CNOT9: variants seen among roughly 807,000 people sequenced by gnomAD.
CNOT9 encodes the protein CCR4-NOT transcription complex subunit 9, also known as RCD1 required for cell differentiation1 homolog.
A neutral mutation model predicts 37.4 loss-of-function variants in CNOT9; 8 were observed. The ratio of observed to expected loss-of-function variants is 0.21; its 90% confidence interval spans 0.13 to 0.39. The LOEUF (loss-of-function observed/expected upper bound fraction) is 0.39, where lower values mean the gene tolerates loss of function less well. CNOT9 is among the 10% of genes least tolerant of loss of function. CNOT9 has a pLI of 1.00. For synonymous variants in CNOT9, 120 were observed against 137.6 expected, an observed-to-expected ratio of 0.87 and a Z score of 0.90; for missense variants, 154 against 365.3, an observed-to-expected ratio of 0.42 and a Z score of 4.71.
intron 1 of CNOT9, among the ~76,000 whole-genome samples, chr2:218,579,705 T>G (rs957761368): frequency 6.6e-6 from 1 of 152,136 alleles, no homozygotes; most frequent in Admixed American, 6.5e-5. Context: ...GCCAGGATGG[T>G]CTCAATCTCC....
intron 1 of CNOT9, among the ~76,000 whole-genome samples, chr2:218,571,056 A>T (rs990836677): frequency 2.0e-5 from 3 of 152,222 alleles, no homozygotes; most frequent in African/African-American, 7.2e-5. Flanking sequence ...TGATGTGGGT[A>T]AAGGGACAGT....
chr2:218,578,863 G>C (rs1197842589), intron 1 of CNOT9, among the ~76,000 whole-genome samples: 1 of 152,102 alleles, frequency 6.6e-6, no homozygotes, highest in African/African-American at 2.4e-5. Flanking sequence ...TGACTATAGA[G>C]AATTATAAAA....
intron 3 of CNOT9, among the ~76,000 whole-genome samples, 174 bp downstream of exon 3, chr2:218,583,260 TC>T (rs1694477391): frequency 7.4e-6 from 1 of 134,974 alleles, no homozygotes; most frequent in Admixed American, 7.2e-5. Flanking sequence ...TCTCTCTCTC[TC>T]TCTCTCTCTC....
rs1313191918 is a variant in CNOT9, at chr2:218,595,960, C to G, written c.*1684C>G. On this transcript the variant is annotated 3_prime_UTR_variant, in exon 8 of 8. Coordinates refer to ENST00000273064, the MANE Select transcript of CNOT9 (RefSeq NM_005444.3). ...TGAAGAGGAGAAGCAGGCCAACCCT[C>G]AATAATTGCAAGCCTGAAGAGAAGT... The G allele has an allele frequency of 3.3e-5, 5 of 152,208 alleles. No individual in the cohort carries two copies. The highest frequency in any genetic ancestry group is 1.2e-4 in the African/African-American group (5 of 41,432). The allele number at this position is 152,208 out of a possible 1,614,324, so 9.4% of individuals were successfully genotyped here. A position where few individuals can be genotyped will look rare whatever the true frequency, so the allele number is the denominator to read the frequency against.
At position 218,594,323 on chromosome 2, in the gene CNOT9, G is replaced by A. The variant is rs769191877; in HGVS notation, c.*47G>A. The A allele has an allele frequency of 3.9e-6, 6 of 1,552,194 alleles. No individual in the cohort carries two copies. The highest frequency in any genetic ancestry group is 4.4e-6 in the Non-Finnish European group (5 of 1,145,096). Reference sequence around the variant, plus strand: ...TACTCCCCCAAGTTGGGGAAAGGAGGGGGAACCTACGAGAAAAACAGCTCA... The same window carrying A: ...TACTCCCCCAAGTTGGGGAAAGGAGAGGGAACCTACGAGAAAAACAGCTCA... On this transcript the variant is annotated 3_prime_UTR_variant, in exon 8 of 8. Transcript: ENST00000273064.
At chr2:218,588,092 A>G (rs1007851006) in intron 5 of CNOT9, among the ~76,000 whole-genome samples, 3 of 152,112 alleles carry the variant, frequency 2.0e-5, no homozygotes, top group African/African-American at 7.2e-5. Flanking sequence ...ATTCTTACTC[A>G]TTGTACAGAA....
intron 2 of CNOT9, 87 bp from the exon 3 acceptor site, chr2:218,582,884 T>G: frequency 1.3e-6 from 1 of 748,072 alleles, no homozygotes; most frequent in Non-Finnish European, 2.2e-6. Flanking sequence ...AGCTATTTTA[T>G]TTGCCTTTTT....
Position 218,592,359 on chromosome 2 carries a change from T to G in CNOT9, c.596T>G (p.Ile199Arg). ...ILLDDTGLAY[I>R]CQTYERFSHV... ...TTAGATGACACTGGTTTGGCTTATA[T>G]ATGTCAGACGTATGAGCGTTTCTCC... The change falls in exon 6 of 8, where the codon ATA becomes AGA. Residue 199 changes from isoleucine (I) to arginine (R), a missense_variant. Ile to Arg is a moderately conservative substitution (Grantham distance 97). Coordinates refer to ENST00000273064, the MANE Select transcript of CNOT9 (RefSeq NM_005444.3). This position sits in a 1 kb window ranked among gnomAD's most constrained non-coding sequence, Gnocchi z 4.1. 1 of 1,614,172 alleles carries G rather than the reference T, an allele frequency of 6.2e-7. No individual in the cohort carries two copies.
At chr2:218,574,965 AAAAG>A (rs752386589) in intron 1 of CNOT9, among the ~76,000 whole-genome samples, 7 of 152,164 alleles carry the variant, frequency 4.6e-5, no homozygotes, top group Non-Finnish European at 7.3e-5. Flanking sequence ...TTTTTTTAAA[AAAAG>A]AGCCTCTTAG....
intron 5 of CNOT9, among the ~76,000 whole-genome samples, chr2:218,590,694 A>G (rs531359590): frequency 2.6e-5 from 4 of 152,106 alleles, no homozygotes; most frequent in Non-Finnish European, 4.4e-5. Context: ...TCCCTGGATT[A>G]TGGCCCCCTC....
chr2:218,587,941 G>A (rs973517140), intron 5 of CNOT9, among the ~76,000 whole-genome samples: 5 of 151,952 alleles, frequency 3.3e-5, no homozygotes, highest in Non-Finnish European at 7.4e-5. Context: ...ATATTATTAC[G>A]GTTTCATTTT....
intron 1 of CNOT9, among the ~76,000 whole-genome samples, chr2:218,578,919 A>G (rs1386196029): frequency 6.6e-6 from 1 of 152,240 alleles, no homozygotes; most frequent in African/African-American, 2.4e-5. Flanking sequence ...CATAATAATG[A>G]AAGCATGCCC....
Position 218,581,040 on chromosome 2 carries a change from C to T in CNOT9, c.204+300C>T, listed in dbSNP as rs1042333271. On this transcript the variant is annotated intron_variant, in intron 2 of 7. Coordinates refer to ENST00000273064, the MANE Select transcript of CNOT9 (RefSeq NM_005444.3). The stretch of plus-strand genomic sequence containing the variant: ...CTAAGAACTACGCTTTGACGAACAC[C>T]GCTTTAGGAGTACTGTAAGATAAAT... 9.0e-5 allele frequency: 47 copies of T among 519,400 alleles called. No individual in the cohort carries two copies. In the Admixed American group the frequency reaches 9.5e-4, roughly 10 times the overall value. The allele number at this position is 519,400 out of a possible 1,614,324, so 32.2% of individuals were successfully genotyped here. A position where few individuals can be genotyped will look rare whatever the true frequency, so the allele number is the denominator to read the frequency against.
At chr2:218,584,481 C>G in intron 3 of CNOT9, 131 bp from the exon 4 acceptor site, 2 of 745,052 alleles carry the variant, frequency 2.7e-6, no homozygotes, top group Admixed American at 4.0e-5. Context: ...TGACCAGTAA[C>G]ATTGTTTTCC....
At chr2:218,581,122 A>T in intron 2 of CNOT9, 2 of 336,088 alleles carry the variant, frequency 6.0e-6, no homozygotes, top group African/African-American at 2.8e-5. Flanking sequence ...AAGGTACAAT[A>T]TATTCTATGG....
intron 3 of CNOT9, among the ~76,000 whole-genome samples, 164 bp downstream of exon 3, chr2:218,583,250 TCTCTCTCTCTCTCTC>T (rs1481095578): frequency 2.0e-5 from 1 of 50,004 alleles, no homozygotes; most frequent in African/African-American, 1.2e-4. Flanking sequence ...TCTCTCTCTC[TCTCTCTCTCTCTCTC>T]TCTCTCTCTC....
intron 1 of CNOT9, among the ~76,000 whole-genome samples, chr2:218,575,279 G>T (rs1694126425): frequency 6.6e-6 from 1 of 152,032 alleles, no homozygotes. Flanking sequence ...TGGATACATT[G>T]CAGGAACTCT....
intron 3 of CNOT9, 150 bp from the exon 4 acceptor site, chr2:218,584,462 T>G: frequency 2.9e-6 from 2 of 681,188 alleles, no homozygotes; most frequent in Admixed American, 4.6e-5. Flanking sequence ...AACCATTGGT[T>G]GAGACTAATG....
chr2:218,573,252 AG>A (rs1337929461), intron 1 of CNOT9, among the ~76,000 whole-genome samples: 1 of 151,416 alleles, frequency 6.6e-6, no homozygotes, highest in African/African-American at 2.4e-5. Flanking sequence ...TGGGAGGCGC[AG>A]GTTATAGTGA....
Sources: allele counts gnomAD v4.1 joint callset (sites outside exome capture counted in the v4.1 genomes callset), GRCh38; gene constraint gnomAD v4.1.1; non-coding constraint Gnocchi (gnomAD v3.1); transcripts MANE v1.5; gene names NCBI Gene and HGNC (gene_info 2026-07-23, HGNC 2026-07-21).